SGCZ: variants seen among roughly 807,000 people sequenced by gnomAD.
SGCZ encodes sarcoglycan zeta.
A neutral mutation model predicts 41.3 loss-of-function variants in SGCZ; 40 were observed. The ratio of observed to expected loss-of-function variants is 0.97; its 90% CI spans 0.75 to 1.26. SGCZ has a LOEUF of 1.26. Among genes scored for constraint, SGCZ ranks in the 50% most tolerant of loss-of-function variants. SGCZ has a pLI of 0.00. For synonymous variants in SGCZ, 206 were observed against 137.5 expected (o/e 1.50, Z -3.49); for missense variants, 552 against 369.8 (o/e 1.49, Z -4.04).
At chr8:14,937,564 G>A (rs1800125014) in intron 1 of SGCZ, among the ~76,000 whole-genome samples, 1 of 151,868 alleles carries the variant, frequency 6.6e-6, no homozygotes, top group African/African-American at 2.4e-5. Flanking sequence ...AATTTGAGAG[G>A]GAAGGAAAAA....
intron 1 of SGCZ, among the ~76,000 whole-genome samples, chr8:14,983,606 A>C (rs1046309743): frequency 6.6e-6 from 1 of 152,040 alleles, no homozygotes; most frequent in Non-Finnish European, 1.5e-5. Context: ...TGGCCTCTCA[A>C]GGTGCTAGGA....
intron 2 of SGCZ, among the ~76,000 whole-genome samples, chr8:14,477,801 G>C (rs1218717785): frequency 1.3e-5 from 2 of 152,158 alleles, no homozygotes; most frequent in African/African-American, 2.4e-5. Context: ...CTCTGCCTTA[G>C]ATGATAAAAT....
chr8:14,699,933 T>A (rs984143648), intron 1 of SGCZ, among the ~76,000 whole-genome samples: 2 of 151,968 alleles, frequency 1.3e-5, no homozygotes, highest in African/African-American at 4.8e-5. Flanking sequence ...AAAATCGTTA[T>A]TATTAAAAAG....
At chr8:15,015,620 A>G (rs1320098545) in intron 1 of SGCZ, among the ~76,000 whole-genome samples, 2 of 148,354 alleles carry the variant, frequency 1.3e-5, no homozygotes. Flanking sequence ...CCCGGGAGGC[A>G]GAGCTTGCAG....
intron 1 of SGCZ, among the ~76,000 whole-genome samples, chr8:14,820,278 CA>C (rs1309391980): frequency 2.0e-5 from 3 of 151,862 alleles, no homozygotes; most frequent in African/African-American, 7.2e-5. Flanking sequence ...CATCATTATA[CA>C]ATGAAAATGG....
chr8:15,002,562 C>A (rs1471094190), intron 1 of SGCZ, among the ~76,000 whole-genome samples: 2 of 152,014 alleles, frequency 1.3e-5, no homozygotes, highest in African/African-American at 2.4e-5. Flanking sequence ...TAGCACGAAA[C>A]ACAATAAAAA....
chr8:14,117,571 G>A (rs1426098812), intron 5 of SGCZ, among the ~76,000 whole-genome samples: 4 of 151,564 alleles, frequency 2.6e-5, no homozygotes, highest in Non-Finnish European at 4.4e-5. Context: ...AAAAAAAGCT[G>A]ATGCCCTAAT....
chr8:14,725,270 A>G (rs924817794), intron 1 of SGCZ, among the ~76,000 whole-genome samples: 1 of 152,172 alleles, frequency 6.6e-6, no homozygotes, highest in African/African-American at 2.4e-5. Flanking sequence ...TACTTTGTCT[A>G]CTGTGTAGAA....
intron 1 of SGCZ, among the ~76,000 whole-genome samples, chr8:15,084,115 T>C (rs1012571530): frequency 3.3e-5 from 5 of 152,164 alleles, no homozygotes; most frequent in Non-Finnish European, 7.3e-5. Flanking sequence ...ACGTGGTAAA[T>C]CTCCAAACAA....
At chr8:14,506,742 G>A (rs865774287) in intron 2 of SGCZ, among the ~76,000 whole-genome samples, 3 of 152,252 alleles carry the variant, frequency 2.0e-5, no homozygotes, top group Middle Eastern at 3.4e-3. Flanking sequence ...GTCCATCTCA[G>A]CGTTCTTTTT....
At chr8:14,558,466 T>C (rs1424188351) in intron 1 of SGCZ, among the ~76,000 whole-genome samples, 1 of 151,764 alleles carries the variant, frequency 6.6e-6, no homozygotes, top group Non-Finnish European at 1.5e-5. Flanking sequence ...TCTTAGCTAC[T>C]TGGGAGGCTA....
chr8:14,764,003 T>C (rs1799966963), intron 1 of SGCZ, among the ~76,000 whole-genome samples: 1 of 152,172 alleles, frequency 6.6e-6, no homozygotes, highest in Non-Finnish European at 1.5e-5. Context: ...CTAAATGCTA[T>C]TCCCTATCAA....
chr8:14,368,780 T>A (rs1563284331), intron 2 of SGCZ, among the ~76,000 whole-genome samples: 1 of 152,044 alleles, frequency 6.6e-6, no homozygotes, highest in Non-Finnish European at 1.5e-5. Flanking sequence ...CAGCACCATG[T>A]TTGTAATGTG....
intron 1 of SGCZ, among the ~76,000 whole-genome samples, chr8:14,695,714 A>C (rs1510454): frequency 1.3e-5 from 2 of 151,654 alleles, no homozygotes; most frequent in African/African-American, 2.4e-5. Context: ...CACACACACA[A>C]ACCAACAATA....
chr8:15,207,527 A>C (rs2117150485), intron 1 of SGCZ, among the ~76,000 whole-genome samples: 1 of 152,324 alleles, frequency 6.6e-6, no homozygotes, highest in South Asian at 2.1e-4. Context: ...GAAGTGGAGC[A>C]GACTGCTCGG....
chr8:15,027,674 G>T (rs909346157), intron 1 of SGCZ, among the ~76,000 whole-genome samples: 1 of 152,030 alleles, frequency 6.6e-6, no homozygotes, highest in African/African-American at 2.4e-5. Context: ...ACATCAGATA[G>T]CATCTTCAAA....
chr8:14,235,486 C>A (rs569215427), intron 4 of SGCZ, among the ~76,000 whole-genome samples: 2 of 152,112 alleles, frequency 1.3e-5, no homozygotes, highest in Non-Finnish European at 2.9e-5. Flanking sequence ...TTGGCAAATG[C>A]CAATATAACA....
intron 4 of SGCZ, among the ~76,000 whole-genome samples, chr8:14,208,554 A>G (rs1040247406): frequency 6.6e-6 from 1 of 152,222 alleles, no homozygotes; most frequent in Non-Finnish European, 1.5e-5. Context: ...GTTCCTATCA[A>G]ATTGTCAAAG....
chr8:14,403,086 T>C (rs1287173311), intron 2 of SGCZ, among the ~76,000 whole-genome samples: 3 of 150,144 alleles, frequency 2.0e-5, no homozygotes, highest in African/African-American at 5.1e-5. Flanking sequence ...TTTGGCTCTC[T>C]GTTTGTCTGC....
Sources: gnomAD v4.1 joint callset for allele counts (sites outside exome capture counted in the v4.1 genomes callset) on GRCh38, gnomAD v4.1.1 for gene constraint, MANE v1.5 for transcripts, NCBI Gene and HGNC (gene_info 2026-07-23, HGNC 2026-07-21) for gene names.